KCNG2: variants seen among roughly 807,000 people sequenced by gnomAD.
KCNG2 encodes voltage-gated potassium channel regulatory subunit KCNG2.
Under a neutral mutation model 12.3 loss-of-function variants are expected in KCNG2, and 7 were observed. That is an observed-to-expected ratio of 0.57 (90% confidence interval 0.32 to 1.07). The LOEUF is 1.07. Ranked by LOEUF, KCNG2 falls within the 50% of genes least tolerant of loss-of-function variation. The probability of loss-of-function intolerance (pLI) is 0.04; values close to 1 mark genes in which losing one functional copy is unlikely to be tolerated. For missense variants in KCNG2, 703 were observed against 726.0 expected (o/e 0.97, Z 0.36); for synonymous variants, 414 against 351.4 (o/e 1.18, Z -1.99).
intron 1 of KCNG2, among the ~76,000 whole-genome samples, chr18:79,855,593 A>T (rs1978981797): frequency 6.6e-6 from 1 of 151,990 alleles, no homozygotes; most frequent in Non-Finnish European, 1.5e-5. Flanking sequence ...AGGCTCGTAG[A>T]CACACAGCAT....
At chr18:79,842,018 C>T (rs927805588) in intron 1 of KCNG2, among the ~76,000 whole-genome samples, 4 of 152,164 alleles carry the variant, frequency 2.6e-5, no homozygotes, top group Non-Finnish European at 5.9e-5. Flanking sequence ...CAGAGTGAAC[C>T]TTGATGCCAG....
rs776250759 is a variant in KCNG2, at chr18:79,899,415, G to A, written c.1000G>A (p.Ala334Thr). ...GCTGCTGTTCCTCTGCGTGGCCATG[G>A]CGCTCTTCGCGCCACTGGTGCACCT... is the stretch of plus-strand genomic sequence containing the variant. Reference protein sequence around the residue: ...LLLLFLCVAMALFAPLVHLAE... With the variant: ...LLLLFLCVAMTLFAPLVHLAE... Residue 334 changes from alanine (A) to threonine (T), a missense_variant, in exon 4 of 4, where the codon GCG becomes ACG. By Grantham distance (58) the Ala-to-Thr change is moderately conservative (BLOSUM62 0). Transcript: ENST00000316249. The A allele has an allele frequency of 6.3e-7, 1 of 1,586,202 alleles. No individual in the cohort carries two copies.
chr18:79,838,051 A>G (rs1978355088), intron 1 of KCNG2, among the ~76,000 whole-genome samples: 1 of 152,208 alleles, frequency 6.6e-6, no homozygotes, highest in African/African-American at 2.4e-5. Context: ...TGGCAGGAGA[A>G]AGCGAGAGTG....
intron 3 of KCNG2, among the ~76,000 whole-genome samples, chr18:79,896,824 C>G (rs1172614068): frequency 6.6e-6 from 1 of 152,152 alleles, no homozygotes; most frequent in African/African-American, 2.4e-5. Context: ...TTTTTACTTT[C>G]ATTTTTCAGC....
At chr18:79,826,585 T>TTAC (rs1057212262) in intron 1 of KCNG2, among the ~76,000 whole-genome samples, 1 of 147,750 alleles carries the variant, frequency 6.8e-6, no homozygotes, top group Non-Finnish European at 1.5e-5. Context: ...GTTCGGCGCG[T>TTAC]TACGTCATTA....
At chr18:79,895,015 C>T (rs1181956042) in intron 3 of KCNG2, among the ~76,000 whole-genome samples, 2 of 149,440 alleles carry the variant, frequency 1.3e-5, no homozygotes, top group Admixed American at 1.3e-4. Flanking sequence ...TCTAGTGTTA[C>T]GATTGATATA....
At chr18:79,890,347 T>G (rs7505298) in intron 3 of KCNG2, among the ~76,000 whole-genome samples, 124,961 of 151,972 alleles carry the variant, frequency 0.82, 54,044 homozygotes, top group Non-Finnish European at 0.95. Context: ...TTAGGTTCAG[T>G]GGGTATGTGT....
chr18:79,868,406 G>A lies in KCNG2; in HGVS notation c.624+4115G>A, dbSNP rs183127991. 4.6e-5 allele frequency among the ~76,000 whole-genome samples: 7 copies of A among 151,458 alleles called. No homozygotes were observed. In the East Asian group the frequency reaches 1.2e-3, roughly 25 times the overall value. Reference sequence around the variant, plus strand: ...CCTGGTGACCCGTGTCCAAGCGTCCGGTTAAGAAGCAGTCGCCCTCTGCAT... The same window carrying A: ...CCTGGTGACCCGTGTCCAAGCGTCCAGTTAAGAAGCAGTCGCCCTCTGCAT... On this transcript the variant is annotated intron_variant, in intron 3 of 3. Transcript: ENST00000316249.
intron 3 of KCNG2, among the ~76,000 whole-genome samples, chr18:79,873,646 A>C (rs1400744068): frequency 6.6e-6 from 1 of 152,064 alleles, no homozygotes; most frequent in Non-Finnish European, 1.5e-5. Flanking sequence ...TTTTCCTGGG[A>C]GCCGGCACAC....
At chr18:79,876,678 G>C (rs1980085403) in intron 3 of KCNG2, among the ~76,000 whole-genome samples, 1 of 152,242 alleles carries the variant, frequency 6.6e-6, no homozygotes, top group African/African-American at 2.4e-5. Flanking sequence ...TCTCGGCACA[G>C]CTGGGTGAAT....
At chr18:79,885,147 G>T (rs1980474453) in intron 3 of KCNG2, among the ~76,000 whole-genome samples, 1 of 152,204 alleles carries the variant, frequency 6.6e-6, no homozygotes. Flanking sequence ...GGGCTGTGGA[G>T]CAGAGTCTGA....
At chr18:79,853,351 C>T (rs7229760) in intron 1 of KCNG2, among the ~76,000 whole-genome samples, 137,725 of 152,112 alleles carry the variant, frequency 0.91, 63,994 homozygotes, top group East Asian at 1. Flanking sequence ...GAGCAAACGC[C>T]GAGCGTGAGG....
At chr18:79,842,926 G>A (rs558792306) in intron 1 of KCNG2, among the ~76,000 whole-genome samples, 4 of 152,240 alleles carry the variant, frequency 2.6e-5, no homozygotes, top group Admixed American at 2.6e-4. Flanking sequence ...AAAAGGGGAA[G>A]AAAGCTTATT....
intron 3 of KCNG2, among the ~76,000 whole-genome samples, chr18:79,867,661 G>A (rs62103188): frequency 0.1 from 15,820 of 151,626 alleles, 975 homozygotes; most frequent in Middle Eastern, 0.17. Context: ...TGACATTCAC[G>A]GAGAAGGGGC....
intron 1 of KCNG2, among the ~76,000 whole-genome samples, chr18:79,840,538 A>G (rs949152121): frequency 5.3e-5 from 8 of 152,336 alleles, no homozygotes; most frequent in African/African-American, 1.9e-4. Context: ...CCAAATTGAT[A>G]TAAAAATTTG....
At chr18:79,806,646 G>C (rs2087451986) in intron 1 of KCNG2, among the ~76,000 whole-genome samples, 2 of 152,194 alleles carry the variant, frequency 1.3e-5, no homozygotes, top group African/African-American at 4.8e-5. Context: ...CTTGCTAGGA[G>C]GAAGCATCAG....
chr18:79,806,133 G>A (rs1444799750), intron 1 of KCNG2, among the ~76,000 whole-genome samples: 1 of 152,194 alleles, frequency 6.6e-6, no homozygotes, highest in Non-Finnish European at 1.5e-5. Context: ...CGCCCAGTGG[G>A]ACTCAGTGGT....
intron 1 of KCNG2, among the ~76,000 whole-genome samples, chr18:79,817,720 A>G (rs1348087374): frequency 6.6e-6 from 1 of 151,712 alleles, no homozygotes; most frequent in Non-Finnish European, 1.5e-5. Flanking sequence ...CACACCTCCC[A>G]CCTTCAGCTG....
At chr18:79,843,291 C>T (rs7242289) in intron 1 of KCNG2, among the ~76,000 whole-genome samples, 20,123 of 152,082 alleles carry the variant, frequency 0.13, 1,429 homozygotes, top group Middle Eastern at 0.16. Context: ...ATTATTTTCC[C>T]GGACAAACAA....
Sources: gnomAD v4.1 joint callset for allele counts (sites outside exome capture counted in the v4.1 genomes callset) on GRCh38, gnomAD v4.1.1 for gene constraint, MANE v1.5 for transcripts, NCBI Gene and HGNC (gene_info 2026-07-23, HGNC 2026-07-21) for gene names.